Variants in NAALADL2 observed in about 807,000 individuals in gnomAD.
NAALADL2 encodes inactive N-acetylated-alpha-linked acidic dipeptidase-like protein 2.
Under a neutral mutation model 87.2 loss-of-function variants are expected in NAALADL2, and 76 were observed. That is an observed-to-expected ratio of 0.87 (90% CI 0.72 to 1.05). The LOEUF (loss-of-function observed/expected upper bound fraction) is 1.05, where lower values mean the gene tolerates loss of function less well. Among genes scored for constraint, NAALADL2 ranks in the 50% least tolerant of loss-of-function variants. The pLI is 0.00. For synonymous variants in NAALADL2, 354 were observed against 331.0 expected (o/e 1.07, Z -0.75); for missense variants, 1,089 against 945.8 (o/e 1.15, Z -1.99).
chr3:175,350,055 GAAA>G (rs138836041), intron 5 of NAALADL2, among the ~76,000 whole-genome samples: 1 of 142,418 alleles, frequency 7.0e-6, no homozygotes, highest in African/African-American at 2.6e-5. Flanking sequence ...AGGCTTGATT[GAAA>G]AAAAAAAAAA....
intron 13 of NAALADL2, among the ~76,000 whole-genome samples, chr3:175,769,108 C>T (rs1245666214): frequency 6.6e-6 from 1 of 152,038 alleles, no homozygotes; most frequent in Non-Finnish European, 1.5e-5. Flanking sequence ...ACCTTTCTTA[C>T]CTGTAAGTTA....
chr3:175,207,884 G>A (rs183477034), intron 2 of NAALADL2, among the ~76,000 whole-genome samples: 72 of 152,144 alleles, frequency 4.7e-4, no homozygotes, highest in Non-Finnish European at 5.9e-5. Context: ...TGCTGTAGAG[G>A]AAAAAGAAAC....
intron 2 of NAALADL2, among the ~76,000 whole-genome samples, chr3:175,102,609 C>A (rs1182598496): frequency 3.9e-5 from 6 of 151,966 alleles, no homozygotes; most frequent in Non-Finnish European, 8.8e-5. Context: ...TTTCTGACTT[C>A]ACAAATAAAA....
intron 9 of NAALADL2, among the ~76,000 whole-genome samples, chr3:175,484,640 C>T (rs1726988827): frequency 6.6e-6 from 1 of 152,050 alleles, no homozygotes; most frequent in Non-Finnish European, 1.5e-5. Flanking sequence ...TATGTCATTT[C>T]ACAGACATTT....
chr3:174,972,891 G>C lies in NAALADL2; in HGVS notation c.43+113441G>C, dbSNP rs1293254700. ...CATGCCCATAATCCCAGCTAGTCGGGAGGCTGAGGGAGGAGAGTTGCTTGA... is the reference window on the plus strand; with the variant it reads ...CATGCCCATAATCCCAGCTAGTCGGCAGGCTGAGGGAGGAGAGTTGCTTGA... On this transcript the variant is annotated intron_variant, in intron 1 of 13. Transcript: ENST00000454872. 2.6e-5 allele frequency among the ~76,000 whole-genome samples: 4 copies of C among 151,826 alleles called. No homozygotes were observed. In the East Asian group the frequency reaches 7.8e-4, roughly 29 times the overall value.
intron 3 of NAALADL2, chr3:175,242,574 G>A (rs1032258791): frequency 6.6e-6 from 1 of 152,200 alleles, no homozygotes; most frequent in Non-Finnish European, 1.5e-5. Context: ...TCAATAAGTT[G>A]AGTATCATTT....
intron 9 of NAALADL2, among the ~76,000 whole-genome samples, chr3:175,553,126 TGATGTCA>T (rs1714699429): frequency 6.6e-6 from 1 of 152,284 alleles, no homozygotes; most frequent in East Asian, 1.9e-4. Context: ...TTGCTGAGCA[TGATGTCA>T]AGGTCCCAGA....
intron 1 of NAALADL2, among the ~76,000 whole-genome samples, chr3:175,068,047 T>C (rs1039277347): frequency 2.0e-5 from 3 of 152,104 alleles, no homozygotes; most frequent in Admixed American, 2.0e-4. Flanking sequence ...TGCGTACTCC[T>C]GGAAATAAAG....
intron 5 of NAALADL2, among the ~76,000 whole-genome samples, chr3:175,390,615 T>A (rs1768953598): frequency 6.6e-6 from 1 of 151,990 alleles, no homozygotes; most frequent in South Asian, 2.1e-4. Flanking sequence ...TAAATAAGGG[T>A]TTTTTGTTGT....
chr3:174,531,506 G>A (rs1268142929), intron 1 of NAALADL2, among the ~76,000 whole-genome samples: 1 of 152,166 alleles, frequency 6.6e-6, no homozygotes, highest in Admixed American at 6.5e-5. Flanking sequence ...ATTGTGGGTA[G>A]AATTTATCAG....
chr3:174,752,369 A>G (rs1034255371), intron 3 of NAALADL2, among the ~76,000 whole-genome samples: 3 of 152,094 alleles, frequency 2.0e-5, no homozygotes, highest in Admixed American at 2.0e-4. Context: ...CATTTCTCCT[A>G]TGTAAATAAG....
At chr3:174,628,496 A>G (rs2108686627) in intron 2 of NAALADL2, among the ~76,000 whole-genome samples, 1 of 144,002 alleles carries the variant, frequency 6.9e-6, no homozygotes, top group East Asian at 2.0e-4. Context: ...AAAAAAAAAA[A>G]AGATTATCTA....
At chr3:174,994,689 AC>A (rs1322774706) in intron 1 of NAALADL2, among the ~76,000 whole-genome samples, 1 of 152,174 alleles carries the variant, frequency 6.6e-6, no homozygotes, top group East Asian at 1.9e-4. Context: ...GGTAATGGAG[AC>A]CAGTTAACTA....
intron 1 of NAALADL2, chr3:174,459,245 A>T (rs1716048866): frequency 6.6e-6 from 1 of 152,194 alleles, no homozygotes; most frequent in East Asian, 1.9e-4. Flanking sequence ...TTACAGGTCC[A>T]TGAAATCTGA....
chr3:175,128,658 T>A (rs1326840265), intron 2 of NAALADL2, among the ~76,000 whole-genome samples: 1 of 152,148 alleles, frequency 6.6e-6, no homozygotes, highest in Non-Finnish European at 1.5e-5. Flanking sequence ...GATTTAGATA[T>A]GAGTGAATTT....
At chr3:175,052,250 G>A (rs551692585) in intron 1 of NAALADL2, among the ~76,000 whole-genome samples, 1 of 152,310 alleles carries the variant, frequency 6.6e-6, no homozygotes, top group East Asian at 1.9e-4. Flanking sequence ...AGTGGGCCAG[G>A]TGTTCCCTGC....
At chr3:175,133,210 CG>C (rs1728480022) in intron 2 of NAALADL2, among the ~76,000 whole-genome samples, 1 of 150,298 alleles carries the variant, frequency 6.7e-6, no homozygotes, top group Admixed American at 6.6e-5. Context: ...GGATGGCGGC[CG>C]GGCAGAGACG....
intron 5 of NAALADL2, among the ~76,000 whole-genome samples, chr3:175,396,471 G>A (rs56668821): frequency 0.023 from 3,564 of 152,086 alleles, 123 homozygotes; most frequent in African/African-American, 0.082. Flanking sequence ...ATACATCCAC[G>A]GTGTGAATTT....
At chr3:175,478,260 G>T (rs1053935377) in intron 9 of NAALADL2, among the ~76,000 whole-genome samples, 5 of 151,810 alleles carry the variant, frequency 3.3e-5, no homozygotes, top group African/African-American at 1.2e-4. Context: ...CAACGGAAGC[G>T]ACCATAAAGA....
Sources: allele counts gnomAD v4.1 joint callset (sites outside exome capture counted in the v4.1 genomes callset), GRCh38; gene constraint gnomAD v4.1.1; transcripts MANE v1.5; gene names NCBI Gene and HGNC (gene_info 2026-07-23, HGNC 2026-07-21).